Variants in BBX observed in about 807,000 individuals in gnomAD.
BBX encodes the protein BBX high mobility group box domain containing.
Under a neutral mutation model 100.2 loss-of-function variants are expected in BBX, and 30 were observed. That is an observed-to-expected ratio of 0.30 (90% CI 0.22 to 0.41). The LOEUF is 0.41. Ranked by LOEUF, BBX falls within the 10% of genes least tolerant of loss-of-function variation. The pLI, the probability that BBX is intolerant of heterozygous loss-of-function variation, is 1.00. For missense variants in BBX, 1,023 were observed against 1,129.8 expected (o/e 0.91, Z 1.35); for synonymous variants, 376 against 388.1 (o/e 0.97, Z 0.37).
chr3:107,587,031 A>T (rs376877912), intron 2 of BBX, among the ~76,000 whole-genome samples: 11 of 152,064 alleles, frequency 7.2e-5, no homozygotes, highest in Non-Finnish European at 1.3e-4. Context: ...GATTACAGGC[A>T]TGAGCCACTC....
In BBX at chr3:107,772,958, G is replaced by A. The variant is rs566303124; in HGVS notation, c.1237G>A (p.Ala413Thr). The change falls in exon 11 of 18, where the codon GCC (alanine) becomes ACC (threonine). Residue 413 changes from alanine to threonine, a missense_variant. Coordinates refer to ENST00000325805, the MANE Select transcript of BBX (RefSeq NM_001142568.3). ...CSHFPDFSYS[A>T]SSKIIISDVP... ...TCATTTTCCTGATTTTTCTTATTCT[G>A]CCAGTAGCAAGATAATAATTAGTGA... 6.2e-7 allele frequency: 1 copy of A among 1,612,922 alleles called. No individual in the cohort carries two copies. The highest frequency in any genetic ancestry group is 8.5e-7 in the Non-Finnish European group (1 of 1,179,734).
intron 2 of BBX, among the ~76,000 whole-genome samples, chr3:107,535,782 A>T (rs2107330982): frequency 6.6e-6 from 1 of 152,176 alleles, no homozygotes; most frequent in East Asian, 1.9e-4. Flanking sequence ...TGTTTTTAGG[A>T]GAGACAAGGT....
At chr3:107,715,102 A>T (rs919482534) in intron 4 of BBX, among the ~76,000 whole-genome samples, 2 of 152,168 alleles carry the variant, frequency 1.3e-5, no homozygotes, top group African/African-American at 2.4e-5. Context: ...TAAAAATACC[A>T]GTTGGATTAA....
At chr3:107,705,367 G>A (rs1183532543) in intron 3 of BBX, among the ~76,000 whole-genome samples, 6 of 152,096 alleles carry the variant, frequency 3.9e-5, no homozygotes, top group Admixed American at 1.3e-4. Context: ...AAATACCACC[G>A]TGACACAGTT....
intron 3 of BBX, among the ~76,000 whole-genome samples, chr3:107,673,057 A>T (rs892830138): frequency 8.5e-5 from 13 of 152,078 alleles, no homozygotes; most frequent in Admixed American, 2.6e-4. Flanking sequence ...GTTAAATTGG[A>T]TAATCTCTGA....
rs530624961 is a variant in BBX, at chr3:107,580,466, G to T, written c.-84+54068G>T. 1.5e-4 allele frequency among the ~76,000 whole-genome samples: 23 copies of T among 152,064 alleles called. No homozygotes were observed. The South Asian group carries it at 4.8e-3, about 31-fold the overall frequency. ...TAACAATTTGTTTTATTTTACTGAA[G>T]ATTCCAAAACAAAATTTCTATTAGT... On this transcript the variant is annotated intron_variant, in intron 2 of 17. Coordinates refer to ENST00000325805, the MANE Select transcript of BBX (RefSeq NM_001142568.3).
intron 2 of BBX, among the ~76,000 whole-genome samples, chr3:107,551,480 G>C (rs1408251585): frequency 1.3e-5 from 2 of 152,136 alleles, no homozygotes; most frequent in African/African-American, 4.8e-5. Flanking sequence ...AGCATTCTTC[G>C]GAAAAACCGT....
chr3:107,786,776 C>CA (rs1457780817), intron 13 of BBX, among the ~76,000 whole-genome samples: 1 of 152,070 alleles, frequency 6.6e-6, no homozygotes, highest in East Asian at 1.9e-4. Context: ...CAACAAAAGA[C>CA]AAAATAGATA....
At chr3:107,530,433 A>C (rs1395212613) in intron 2 of BBX, among the ~76,000 whole-genome samples, 1 of 152,148 alleles carries the variant, frequency 6.6e-6, no homozygotes, top group Non-Finnish European at 1.5e-5. Context: ...AAAAACACAA[A>C]GTAACAATGA....
At chr3:107,635,934 A>C (rs1377024883) in intron 2 of BBX, among the ~76,000 whole-genome samples, 1 of 151,576 alleles carries the variant, frequency 6.6e-6, no homozygotes, top group African/African-American at 2.4e-5. Context: ...ATGGTCTCAG[A>C]CTCCTGACCT....
chr3:107,658,593 A>G (rs896372657), intron 3 of BBX, among the ~76,000 whole-genome samples: 1 of 152,152 alleles, frequency 6.6e-6, no homozygotes, highest in Non-Finnish European at 1.5e-5. Context: ...AAACAGATAC[A>G]TAGCCACTTT....
chr3:107,524,291 C>G (rs2047581231), intron 1 of BBX: 1 of 152,130 alleles, frequency 6.6e-6, no homozygotes. Context: ...CCCTAGCCCT[C>G]TTAAGCCACA....
intron 13 of BBX, among the ~76,000 whole-genome samples, chr3:107,783,099 TTTGACTTTA>T (rs2068065938): frequency 6.6e-6 from 1 of 152,114 alleles, no homozygotes; most frequent in African/African-American, 2.4e-5. Flanking sequence ...TATTACAGAT[TTTGACTTTA>T]TTTTCTGTAG....
chr3:107,604,608 A>G (rs2054295162), intron 2 of BBX, among the ~76,000 whole-genome samples: 2 of 152,264 alleles, frequency 1.3e-5, no homozygotes, highest in South Asian at 2.1e-4. Context: ...CCAAGATTAC[A>G]TTAGTTTTTT....
chr3:107,716,898 G>T, intron 5 of BBX, 49 bp downstream of exon 5: 2 of 1,588,978 alleles, frequency 1.3e-6, no homozygotes, highest in South Asian at 2.3e-5. Context: ...AACCAGTCCT[G>T]AAACTCCCAG....
chr3:107,728,281 G>A (rs1255391094), intron 5 of BBX, among the ~76,000 whole-genome samples: 1 of 152,146 alleles, frequency 6.6e-6, no homozygotes, highest in Non-Finnish European at 1.5e-5. Flanking sequence ...CTAAAGATAT[G>A]AGTGATGTGC....
chr3:107,643,070 A>C (rs2057313913), intron 2 of BBX, among the ~76,000 whole-genome samples: 1 of 152,162 alleles, frequency 6.6e-6, no homozygotes, highest in African/African-American at 2.4e-5. Context: ...CAGTTTTGGC[A>C]TACTAGGGGA....
At chr3:107,669,608 T>C (rs2058924566) in intron 3 of BBX, among the ~76,000 whole-genome samples, 3 of 152,114 alleles carry the variant, frequency 2.0e-5, no homozygotes, top group Admixed American at 6.5e-5. Flanking sequence ...CAGATTAGTT[T>C]GAATGGAGAT....
intron 15 of BBX, among the ~76,000 whole-genome samples, chr3:107,797,337 A>ATATATATATAT (rs2069789795): frequency 5.1e-5 from 2 of 39,326 alleles, no homozygotes; most frequent in African/African-American, 1.5e-4. Context: ...TTTTCTTCCA[A>ATATATATATAT]ATATATATAT....
Sources: allele counts gnomAD v4.1 joint callset (sites outside exome capture counted in the v4.1 genomes callset), GRCh38; gene constraint gnomAD v4.1.1; transcripts MANE v1.5; gene names NCBI Gene and HGNC (gene_info 2026-07-23, HGNC 2026-07-21).